The following NFATC2 variants were observed in gnomAD, a reference collection of about 807,000 sequenced individuals.
NFATC2 encodes the protein nuclear factor of activated T-cells, cytoplasmic 2.
Under a neutral mutation model 87.3 loss-of-function variants are expected in NFATC2, and 22 were observed. The observed-to-expected ratio is 0.25, with a 90% CI of 0.18 to 0.36. The LOEUF is 0.36. Ranked by LOEUF, NFATC2 falls within the 10% of genes least tolerant of loss-of-function variation. NFATC2 has a pLI of 1.00. For synonymous variants in NFATC2, 565 were observed against 542.2 expected, an observed-to-expected ratio of 1.04 and a Z score of -0.58; for missense variants, 1,149 against 1,259.1, an observed-to-expected ratio of 0.91 and a Z score of 1.32.
chr20:51,462,338 T>C (rs973334821), intron 5 of NFATC2, among the ~76,000 whole-genome samples: 10 of 151,234 alleles, frequency 6.6e-5, no homozygotes, highest in Admixed American at 5.3e-4. Flanking sequence ...CCCAGCTACT[T>C]GGGAGGCTGA....
In NFATC2 at chr20:51,432,246, G is replaced by T; in HGVS notation, c.2543C>A (p.Pro848Gln). 1 of 1,614,168 alleles carries T rather than the reference G, an allele frequency of 6.2e-7. No individual in the cohort carries two copies. The highest frequency in any genetic ancestry group is 1.1e-5 in the South Asian group (1 of 91,070). ...GCTCAGCCTCTGACCTTGACTGACC[G>T]GGGGCGGGCCAGGTCTGGTGGTGCC... ...APGTTRPGPP[P>Q]VSQGQRLSPG... Residue 848 changes from proline (P) to glutamine (Q), a missense_variant, in exon 9 of 11, where the codon CCG (proline) becomes CAG (glutamine). Around this residue, in one of 3 missense-constraint regions of NFATC2, gnomAD observed 581 missense variants for 649.7 expected, o/e 0.89. Transcript: ENST00000371564. The surrounding 1 kb of genome is among the most constrained non-coding windows in gnomAD (Gnocchi z 4.6).
At position 51,432,180 on chromosome 20, in the gene NFATC2, G is replaced by A. The variant is rs56050792; in HGVS notation, c.2609C>T (p.Thr870Met). 28 of 1,607,658 alleles carry A rather than the reference G, an allele frequency of 1.7e-5. No individual in the cohort carries two copies. Among genetic ancestry groups the A allele is most frequent in the East Asian group, 1.3e-4 (6 of 44,712 alleles). The change falls in exon 9 of 11, where the codon ACG (threonine) becomes ATG (methionine). Residue 870 changes from threonine (T) to methionine (M), a missense_variant. Around this residue, in one of 3 missense-constraint regions of NFATC2, gnomAD observed 581 missense variants for 649.7 expected, o/e 0.89. Transcript: ENST00000371564. This position sits in a 1 kb window ranked among gnomAD's most constrained non-coding sequence, Gnocchi z 4.6. ...TCCGTTTTTGGCGGCTCTTTGGCTC[G>A]TGGCATTCTGCTGCTGAATGACTGT... ...YPTVIQQQNA[T>M]SQRAAKNGPP...
rs558254103 is a variant in NFATC2, at chr20:51,403,479, AACCTTTC to A, written c.2723-4756_2723-4750del. ...TCACTCCTGATTCACCCCTTGATCAAACCTTTCACCTATACAGTCCCTGCTACACACT... is the reference window on the plus strand; with the variant it reads ...TCACTCCTGATTCACCCCTTGATCAAACCTATACAGTCCCTGCTACACACT... On this transcript the variant is annotated intron_variant, in intron 9 of 10. Coordinates refer to ENST00000371564, the MANE Select transcript of NFATC2 (RefSeq NM_012340.5). Among the ~76,000 whole-genome samples, 83 of 152,338 alleles carry A rather than the reference AACCTTTC, an allele frequency of 5.4e-4. 1 individual carries two copies. The highest frequency in any genetic ancestry group is 1.1e-3 in the Non-Finnish European group (74 of 68,030).
At chr20:51,506,361 G>T (rs989027939) in intron 3 of NFATC2, among the ~76,000 whole-genome samples, 3 of 152,196 alleles carry the variant, frequency 2.0e-5, no homozygotes, top group African/African-American at 7.2e-5. Flanking sequence ...CAGTAAACAT[G>T]CATGACTATT....
chr20:51,523,692 G>C lies in NFATC2; in HGVS notation c.549C>G (p.Phe183Leu), dbSNP rs561006809. 2 of 1,613,100 alleles carry C rather than the reference G, an allele frequency of 1.2e-6. No individual in the cohort carries two copies. The highest frequency in any genetic ancestry group is 1.7e-6 in the Non-Finnish European group (2 of 1,179,464). The change falls in exon 2 of 11, where the codon TTC becomes TTG. Residue 183 changes from phenylalanine (F) to leucine (L), a missense_variant. By Grantham distance (22) the Phe-to-Leu change is conservative. Around this residue, in one of 3 missense-constraint regions of NFATC2, gnomAD observed 563 missense variants for 585.2 expected, o/e 0.96. Transcript: ENST00000371564. This position sits in a 1 kb window ranked among gnomAD's most constrained non-coding sequence, Gnocchi z 6.9. ...AGACGCAGGGCGAGGTGTAGGGGGA[G>C]AAGGTGTCAGAAATGAAGCTGGCAG... ...GSSASFISDT[F>L]SPYTSPCVSP...
chr20:51,475,400 A>C, intron 4 of NFATC2, 58 bp downstream of exon 4: 1 of 1,568,842 alleles, frequency 6.4e-7, no homozygotes, highest in Non-Finnish European at 8.8e-7. Flanking sequence ...AATCCCTGCC[A>C]CCTGCCCCCT....
Position 51,523,890 on chromosome 20 carries a change from C to A in NFATC2, c.351G>T (p.Pro117=). The A allele has an allele frequency of 6.2e-7, 1 of 1,606,166 alleles. No individual in the cohort carries two copies. Among genetic ancestry groups the A allele is most frequent in the Non-Finnish European group, 8.5e-7 (1 of 1,177,596 alleles). The part of the protein sequence containing the change: ...SGLSPRIEIT[P]SHELIQAVGP... ...CCACTGCCTGGATCAGTTCGTGGGA[C>A]GGAGTGATCTCGATCCGAGGGCTCA... The change falls in exon 2 of 11, where the codon CCG becomes CCT. Residue 117 remains proline, a synonymous_variant. Coordinates refer to ENST00000371564, the MANE Select transcript of NFATC2 (RefSeq NM_012340.5). The surrounding 1 kb of genome is among the most constrained non-coding windows in gnomAD (Gnocchi z 6.9).
At chr20:51,514,945 C>T (rs1426497848) in intron 3 of NFATC2, among the ~76,000 whole-genome samples, 1 of 152,190 alleles carries the variant, frequency 6.6e-6, no homozygotes, top group Non-Finnish European at 1.5e-5. Flanking sequence ...AGACTGCGGT[C>T]CCCAAGGGAG....
At chr20:51,477,578 TATAA>T (rs1178198671) in intron 3 of NFATC2, among the ~76,000 whole-genome samples, 33 of 76,602 alleles carry the variant, frequency 4.3e-4, no homozygotes, top group East Asian at 1.2e-3. Flanking sequence ...TATATATATA[TATAA>T]AATAACAAGA....
At position 51,523,107 on chromosome 20, in the gene NFATC2, C is replaced by T; in HGVS notation, c.1134G>A (p.Pro378=). 2 of 1,614,254 alleles carry T rather than the reference C, an allele frequency of 1.2e-6. No homozygotes were observed. The highest frequency in any genetic ancestry group is 8.5e-7 in the Non-Finnish European group (1 of 1,180,056). ...ILLVPPTWPK[P]LVPAIPICSI... is the part of the protein sequence containing the mutation. ...TGCAGATGGGAATGGCAGGCACCAG[C>T]GGCTTGGGCCAAGTGGGCGGAACCA... Residue 378 remains proline (P), a synonymous_variant, in exon 2 of 11, where the codon CCG becomes CCA. Transcript: ENST00000371564. This position sits in a 1 kb window ranked among gnomAD's most constrained non-coding sequence, Gnocchi z 6.9.
chr20:51,397,841 T>C (rs142223294), intron 10 of NFATC2, among the ~76,000 whole-genome samples: 1 of 152,286 alleles, frequency 6.6e-6, no homozygotes, highest in Admixed American at 6.5e-5. Context: ...GCTGGTTTAT[T>C]CCGATTAGAA....
intron 5 of NFATC2, among the ~76,000 whole-genome samples, chr20:51,458,295 T>C (rs6013190): frequency 9.2e-4 from 140 of 152,148 alleles, no homozygotes; most frequent in African/African-American, 3.3e-3. Context: ...CATTGTACAA[T>C]GTTTAGCAGC....
At chr20:51,478,627 T>G (rs1219180296) in intron 3 of NFATC2, among the ~76,000 whole-genome samples, 1 of 152,202 alleles carries the variant, frequency 6.6e-6, no homozygotes. Context: ...CTGGCTGGTC[T>G]TTCACAGAAC....
At chr20:51,433,433 C>G (rs1198083631) in intron 8 of NFATC2, among the ~76,000 whole-genome samples, 2 of 152,178 alleles carry the variant, frequency 1.3e-5, no homozygotes, top group East Asian at 3.9e-4. Flanking sequence ...CCTACCCCCA[C>G]GAGATCACTG....
intron 3 of NFATC2, among the ~76,000 whole-genome samples, chr20:51,477,031 C>T (rs1177933402): frequency 1.3e-5 from 2 of 152,122 alleles, no homozygotes; most frequent in African/African-American, 4.8e-5. Flanking sequence ...CCCAGTAATT[C>T]CACCTCTCCA....
intron 2 of NFATC2, among the ~76,000 whole-genome samples, chr20:51,517,900 G>A (rs1161598870): frequency 7.6e-6 from 1 of 132,226 alleles, no homozygotes; most frequent in African/African-American, 2.8e-5. Flanking sequence ...CTGGGTAACA[G>A]AGAGACTGTC....
At chr20:51,494,627 T>C (rs1160084572) in intron 3 of NFATC2, among the ~76,000 whole-genome samples, 2 of 151,692 alleles carry the variant, frequency 1.3e-5, no homozygotes, top group Non-Finnish European at 2.9e-5. Flanking sequence ...GACTGGCACT[T>C]GGCTTCCATA....
intron 1 of NFATC2, among the ~76,000 whole-genome samples, chr20:51,561,431 A>AAAAG (rs1184978605): frequency 0.01 from 1,109 of 109,866 alleles, 17 homozygotes; most frequent in East Asian, 0.021. Context: ...AGAGAGAAAG[A>AAAAG]AAAGAAAGAA....
At chr20:51,508,848 C>T (rs900029578) in intron 3 of NFATC2, among the ~76,000 whole-genome samples, 22 of 152,112 alleles carry the variant, frequency 1.4e-4, no homozygotes, top group African/African-American at 5.3e-4. Context: ...CCCATGCCCC[C>T]ACCCTGGTCC....
Sources: gnomAD v4.1 joint callset for allele counts (sites outside exome capture counted in the v4.1 genomes callset) on GRCh38, gnomAD v4.1.1 for gene constraint, gnomAD v4.1.1 regional missense constraint, Gnocchi (gnomAD v3.1) non-coding constraint, MANE v1.5 for transcripts, NCBI Gene and HGNC (gene_info 2026-07-23, HGNC 2026-07-21) for gene names.